Variants in GLIS3 observed in about 807,000 individuals in gnomAD.
GLIS3 encodes the protein GLIS family zinc finger 3.
In GLIS3, 53 loss-of-function variants were observed where a neutral mutation model predicts 78.6. The observed-to-expected ratio is 0.67, with a 90% confidence interval of 0.54 to 0.85. The LOEUF is 0.85. Ranked by LOEUF, GLIS3 falls within the 40% of genes least tolerant of loss-of-function variation. The pLI, the probability that GLIS3 is intolerant of heterozygous loss-of-function variation, is 0.00. For missense variants in GLIS3, 1,703 were observed against 1,231.1 expected, an observed-to-expected ratio of 1.38 and a Z score of -5.74; for synonymous variants, 684 against 509.9, an observed-to-expected ratio of 1.34 and a Z score of -4.60.
intron 6 of GLIS3, 114 bp downstream of exon 6, chr9:3,932,246 G>C: frequency 1.3e-6 from 1 of 788,688 alleles, no homozygotes; most frequent in South Asian, 1.4e-5. Flanking sequence ...ACGGTCTAAA[G>C]CAGGTTATAC....
the GLIS3 span, among the ~76,000 whole-genome samples, chr9:4,445,295 A>G: frequency 6.6e-6 from 1 of 152,206 alleles, no homozygotes; most frequent in Non-Finnish European, 1.5e-5. Flanking sequence ...TTATTATATA[A>G]AGTCATAGAG....
At chr9:4,202,468 A>C (rs1328173944) in intron 2 of GLIS3, among the ~76,000 whole-genome samples, 1 of 150,976 alleles carries the variant, frequency 6.6e-6, no homozygotes, top group Non-Finnish European at 1.5e-5. Context: ...AAAAATAAAT[A>C]AATAAAATTC....
chr9:4,259,010 T>G (rs1825247273), intron 2 of GLIS3, among the ~76,000 whole-genome samples: 1 of 152,150 alleles, frequency 6.6e-6, no homozygotes, highest in African/African-American at 2.4e-5. Flanking sequence ...GAAACGCCAA[T>G]GGACCCTTGT....
chr9:4,484,341 G>A, the GLIS3 span, among the ~76,000 whole-genome samples: 68,802 of 146,980 alleles, frequency 0.47, 16,351 homozygotes, highest in East Asian at 0.7. Flanking sequence ...AAGTTCAAGC[G>A]ATTATCCTGC....
At chr9:4,213,881 G>A (rs1012369683) in intron 2 of GLIS3, among the ~76,000 whole-genome samples, 2 of 150,042 alleles carry the variant, frequency 1.3e-5, no homozygotes, top group Non-Finnish European at 2.9e-5. Flanking sequence ...TCCTGCTTTT[G>A]TGGAGGTTAT....
At chr9:4,159,503 G>A (rs1343852909) in intron 2 of GLIS3, among the ~76,000 whole-genome samples, 1 of 152,144 alleles carries the variant, frequency 6.6e-6, no homozygotes, top group Non-Finnish European at 1.5e-5. Flanking sequence ...TGGATCACTT[G>A]AGGTGAGGAG....
rs75635960 is a variant in GLIS3 at position 4,045,974 on chromosome 9, T to C, written c.1710+71794A>G. Among the ~76,000 whole-genome samples, 1,416 of 152,268 alleles carry C rather than the reference T, an allele frequency of 9.3e-3. 24 individuals carry two copies. The highest frequency in any genetic ancestry group is 0.032 in the African/African-American group (1,348 of 41,554). On this transcript the variant is annotated intron_variant, in intron 4 of 10. Coordinates refer to ENST00000381971, the MANE Select transcript of GLIS3 (RefSeq NM_001042413.2). ...GGGGGGGAAATCATAAATGGTTTAT[T>C]AGGCTGCTCATGACAAGACAGAACA... is the stretch of plus-strand genomic sequence containing the variant.
the GLIS3 span, among the ~76,000 whole-genome samples, chr9:4,467,856 G>A: frequency 1.3e-5 from 2 of 152,260 alleles, no homozygotes; most frequent in South Asian, 4.1e-4. Flanking sequence ...AAAGGAGGAT[G>A]ATCAAACCCA....
intron 2 of GLIS3, among the ~76,000 whole-genome samples, chr9:4,180,196 G>T (rs1218667973): frequency 2.0e-5 from 3 of 152,144 alleles, no homozygotes; most frequent in Non-Finnish European, 2.9e-5. Flanking sequence ...ACAAGGAGAG[G>T]AGATGGGGAC....
chr9:4,341,849 T>G (rs939864566), intron 2 of GLIS3, among the ~76,000 whole-genome samples: 1 of 152,202 alleles, frequency 6.6e-6, no homozygotes, highest in Non-Finnish European at 1.5e-5. Flanking sequence ...TGATTAAATC[T>G]CATAACAGTT....
intron 2 of GLIS3, among the ~76,000 whole-genome samples, chr9:4,131,506 T>A (rs1832971449): frequency 6.6e-6 from 1 of 152,114 alleles, no homozygotes; most frequent in African/African-American, 2.4e-5. Context: ...TTGCTGCTAT[T>A]CTCGTGTTAG....
At chr9:3,927,550 A>G (rs1446191023) in intron 6 of GLIS3, among the ~76,000 whole-genome samples, 37 of 152,246 alleles carry the variant, frequency 2.4e-4, no homozygotes, top group Admixed American at 2.2e-3. Flanking sequence ...TAAGCACGAA[A>G]TAAGATCCTG....
chr9:4,125,473 C>T (rs1832502246), intron 3 of GLIS3, among the ~76,000 whole-genome samples: 1 of 152,124 alleles, frequency 6.6e-6, no homozygotes, highest in African/African-American at 2.4e-5. Flanking sequence ...CACTGAGGCC[C>T]CACAATCTCA....
intron 2 of GLIS3, among the ~76,000 whole-genome samples, chr9:4,322,549 T>TTGTTGTTGCCTCTCCAGAATC (rs1817549772): frequency 6.6e-6 from 1 of 152,180 alleles, no homozygotes; most frequent in African/African-American, 2.4e-5. Flanking sequence ...TTCTCCACTT[T>TTGTTGTTGCCTCTCCAGAATC]TGTTGTTGCC....
chr9:4,236,709 C>A (rs1462628748), intron 2 of GLIS3, among the ~76,000 whole-genome samples: 1 of 152,152 alleles, frequency 6.6e-6, no homozygotes, highest in Non-Finnish European at 1.5e-5. Flanking sequence ...TGAGCCCCCA[C>A]TATGTGTAAG....
chr9:4,035,063 C>G (rs1030271602), intron 4 of GLIS3: 1 of 152,104 alleles, frequency 6.6e-6, no homozygotes, highest in Non-Finnish European at 1.5e-5. Context: ...GACAATAAAG[C>G]AGAAACTTGA....
chr9:3,858,884 T>G (rs988431692), intron 8 of GLIS3, among the ~76,000 whole-genome samples: 2 of 152,224 alleles, frequency 1.3e-5, no homozygotes, highest in Non-Finnish European at 2.9e-5. Flanking sequence ...GTACGGCAGA[T>G]AGAATCCATT....
At chr9:4,357,104 TA>T in the GLIS3 span, among the ~76,000 whole-genome samples, 1 of 152,230 alleles carries the variant, frequency 6.6e-6, no homozygotes, top group African/African-American at 2.4e-5. Flanking sequence ...AAGTTGCATT[TA>T]AAAATGAGTG....
At chr9:4,398,836 C>T in the GLIS3 span, among the ~76,000 whole-genome samples, 2 of 152,090 alleles carry the variant, frequency 1.3e-5, no homozygotes, top group Non-Finnish European at 2.9e-5. Context: ...TTACAGGTGC[C>T]CACCAACATG....
Sources: allele counts gnomAD v4.1 joint callset (sites outside exome capture counted in the v4.1 genomes callset), GRCh38; gene constraint gnomAD v4.1.1; transcripts MANE v1.5; gene names NCBI Gene and HGNC (gene_info 2026-07-23, HGNC 2026-07-21).